Variants in VCAN observed in about 807,000 individuals in gnomAD.
VCAN encodes the protein versican.
In VCAN, 44 loss-of-function variants were observed where a neutral mutation model predicts 245.5. That is an observed-to-expected ratio of 0.18 (90% confidence interval 0.14 to 0.23). VCAN has a LOEUF of 0.23. VCAN is among the 10% of genes least tolerant of loss of function. The pLI is 1.00. For synonymous variants in VCAN, 1,413 were observed against 1,437.0 expected, an observed-to-expected ratio of 0.98 and a Z score of 0.38; for missense variants, 3,793 against 4,057.9, an observed-to-expected ratio of 0.93 and a Z score of 1.77.
At position 83,473,709 on chromosome 5, in the gene VCAN, C is replaced by T. The variant is rs576302078; in HGVS notation, c.-7+1686C>T. ...AGATGTCTAGGAATTGGGAGTTTTGCGGCGGGTGTGGGCGCCCCCTGATGG... is the reference window on the plus strand; with the variant it reads ...AGATGTCTAGGAATTGGGAGTTTTGTGGCGGGTGTGGGCGCCCCCTGATGG... On this transcript the variant is annotated intron_variant, in intron 1 of 14. Transcript: ENST00000265077. Among the ~76,000 whole-genome samples the T allele has an allele frequency of 2.0e-3, 307 of 152,246 alleles. 1 individual carries two copies. Among genetic ancestry groups the T allele is most frequent in the Non-Finnish European group, 3.7e-3 (252 of 68,004 alleles).
At chr5:83,502,374 G>C (rs1158789404) in intron 5 of VCAN, among the ~76,000 whole-genome samples, 1 of 152,120 alleles carries the variant, frequency 6.6e-6, no homozygotes, top group Non-Finnish European at 1.5e-5. Context: ...TTACCTCCCA[G>C]CTGTGAAAAG....
In VCAN at chr5:83,538,758, G is replaced by A. The variant is rs917091738; in HGVS notation, c.5755G>A (p.Ala1919Thr). 3.1e-6 allele frequency: 5 copies of A among 1,613,882 alleles called. No individual in the cohort carries two copies. Among genetic ancestry groups the A allele is most frequent in the Non-Finnish European group, 4.2e-6 (5 of 1,179,984 alleles). ...SERLGEPNYGAEIRGFSTGFP... is the reference protein window; with the variant it reads ...SERLGEPNYGTEIRGFSTGFP... ...GCGATTAGGAGAACCAAATTATGGG[G>A]CAGAAATAAGGGGCTTTTCCACAGG... The change falls in exon 8 of 15, where the codon GCA becomes ACA. Residue 1919 changes from alanine (A) to threonine (T), a missense_variant. This residue lies in a region of VCAN where 3,182 missense variants were observed against 3,250.3 expected (regional missense o/e 0.98). Transcript: ENST00000265077.
intron 9 of VCAN, among the ~76,000 whole-genome samples, chr5:83,546,829 C>T (rs1747246343): frequency 6.6e-6 from 1 of 152,088 alleles, no homozygotes; most frequent in Admixed American, 6.5e-5. Flanking sequence ...CATTATATGA[C>T]TAAGAAATTT....
At chr5:83,519,267 C>T (rs560429247) in intron 6 of VCAN, 82 bp from the exon 7 acceptor site, 1 of 1,456,710 alleles carries the variant, frequency 6.9e-7, no homozygotes, top group Admixed American at 1.8e-5. Context: ...CTACAAAATA[C>T]TCAGGAGCAC....
chr5:83,521,588 A>G lies in VCAN; in HGVS notation c.3282A>G (p.Pro1094=), dbSNP rs140613404. The G allele has an allele frequency of 5.5e-5, 89 of 1,614,118 alleles. No homozygotes were observed. The East Asian group carries it at 2.0e-3, about 36-fold the overall frequency. ...GGGTCCCAGTTTTAGAAACAACTCC[A>G]GTTGGAAAAATTGATCACAGTGTGT... ...SERVPVLETT[P]VGKIDHSVSY... The change falls in exon 7 of 15, where the codon CCA becomes CCG. Residue 1094 remains proline, a synonymous_variant. Transcript: ENST00000265077.
At chr5:83,577,641 T>G (rs1022359406) in intron 13 of VCAN, among the ~76,000 whole-genome samples, 1 of 152,120 alleles carries the variant, frequency 6.6e-6, no homozygotes, top group African/African-American at 2.4e-5. Context: ...ATAAAGATAT[T>G]CTATAGTTTC....
At chr5:83,507,008 T>A (rs1295565370) in intron 5 of VCAN, among the ~76,000 whole-genome samples, 1 of 152,088 alleles carries the variant, frequency 6.6e-6, no homozygotes, top group East Asian at 1.9e-4. Context: ...CACATGGGAA[T>A]TTTGGGAGAT....
rs751131019 is a variant in VCAN at position 83,521,145 on chromosome 5, T to G, written c.2839T>G (p.Ser947Ala). The change falls in exon 7 of 15, where the codon TCA (serine) becomes GCA (alanine). Residue 947 changes from serine to alanine, a missense_variant. Physicochemically the swap from Ser to Ala is moderately conservative, Grantham distance 99. This residue lies in a region of VCAN where 3,182 missense variants were observed against 3,250.3 expected (regional missense o/e 0.98). Transcript: ENST00000265077. ...TACTGTTCCCCAATTTGCACACACT[T>G]CAGAGGTGGAAGGATTAGCATTTGT... Reference protein sequence around the residue: ...VSTVPQFAHTSEVEGLAFVSY... With the variant: ...VSTVPQFAHTAEVEGLAFVSY... The G allele has an allele frequency of 6.2e-7, 1 of 1,613,988 alleles. No individual in the cohort carries two copies. Among genetic ancestry groups the G allele is most frequent in the Non-Finnish European group, 8.5e-7 (1 of 1,179,910 alleles).
intron 6 of VCAN, among the ~76,000 whole-genome samples, chr5:83,516,304 T>G (rs1356324517): frequency 6.6e-6 from 1 of 152,072 alleles, no homozygotes; most frequent in African/African-American, 2.4e-5. Context: ...ATTATATATA[T>G]AGAGTTTGAA....
intron 7 of VCAN, among the ~76,000 whole-genome samples, chr5:83,534,501 T>G (rs1746634394): frequency 6.6e-6 from 1 of 152,074 alleles, no homozygotes; most frequent in Non-Finnish European, 1.5e-5. Context: ...ATGAAAGTTT[T>G]GGTGTCACCA....
chr5:83,481,071 G>T (rs1001439517), intron 1 of VCAN, among the ~76,000 whole-genome samples: 4 of 152,002 alleles, frequency 2.6e-5, no homozygotes. Flanking sequence ...AATATAAGTA[G>T]AGAATGCAGA....
intron 6 of VCAN, among the ~76,000 whole-genome samples, chr5:83,518,136 T>C (rs1328065246): frequency 3.3e-5 from 5 of 152,152 alleles, no homozygotes; most frequent in Admixed American, 3.3e-4. Flanking sequence ...TAGCTTTAAG[T>C]CCTATAGGAT....
At chr5:83,549,074 CTCT>C (rs1747352994) in intron 10 of VCAN, among the ~76,000 whole-genome samples, 1 of 152,102 alleles carries the variant, frequency 6.6e-6, no homozygotes, top group Non-Finnish European at 1.5e-5. Context: ...AAGCAAGATC[CTCT>C]TCTTAAAGTA....
At chr5:83,546,108 T>C (rs1477865887) in intron 9 of VCAN, among the ~76,000 whole-genome samples, 1 of 152,108 alleles carries the variant, frequency 6.6e-6, no homozygotes, top group Non-Finnish European at 1.5e-5. Context: ...CTTCCCTGAC[T>C]CCCAGCAACC....
intron 9 of VCAN, among the ~76,000 whole-genome samples, chr5:83,547,655 A>T (rs1747285938): frequency 6.6e-6 from 1 of 152,052 alleles, no homozygotes; most frequent in South Asian, 2.1e-4. Context: ...GGCTTATCTG[A>T]TTCATTTATC....
intron 10 of VCAN, among the ~76,000 whole-genome samples, chr5:83,550,658 G>A (rs1390989627): frequency 6.6e-6 from 1 of 151,912 alleles, no homozygotes; most frequent in Non-Finnish European, 1.5e-5. Context: ...AGGTCAAGGC[G>A]GGCGGATCAC....
intron 7 of VCAN, among the ~76,000 whole-genome samples, chr5:83,531,141 G>A (rs1014132961): frequency 6.6e-6 from 1 of 152,160 alleles, no homozygotes; most frequent in Non-Finnish European, 1.5e-5. Context: ...TTAAAAAGGA[G>A]ATTTTAAACT....
At chr5:83,550,887 CAAAAA>C (rs57081110) in intron 10 of VCAN, among the ~76,000 whole-genome samples, 2 of 50,102 alleles carry the variant, frequency 4.0e-5, no homozygotes, top group Non-Finnish European at 6.7e-5. Flanking sequence ...GACTCCATCT[CAAAAA>C]AAAAAAAAAA....
intron 5 of VCAN, among the ~76,000 whole-genome samples, chr5:83,508,001 AC>A (rs1745532047): frequency 6.6e-6 from 1 of 152,142 alleles, no homozygotes; most frequent in African/African-American, 2.4e-5. Flanking sequence ...TATCTGCCAT[AC>A]CTTGGTTTAC....
Sources: allele counts gnomAD v4.1 joint callset (sites outside exome capture counted in the v4.1 genomes callset), GRCh38; gene constraint gnomAD v4.1.1; regional missense constraint gnomAD v4.1.1; transcripts MANE v1.5; gene names NCBI Gene and HGNC (gene_info 2026-07-23, HGNC 2026-07-21).